The following ARHGAP15 variants were observed in gnomAD, a reference collection of about 807,000 sequenced individuals.
ARHGAP15 encodes the protein rho GTPase-activating protein 15.
Under a neutral mutation model 63.7 loss-of-function variants are expected in ARHGAP15, and 51 were observed. That is an observed-to-expected ratio of 0.80 (90% confidence interval 0.64 to 1.01). The LOEUF (loss-of-function observed/expected upper bound fraction) is 1.01, where lower values mean the gene tolerates loss of function less well. Ranked by LOEUF, ARHGAP15 falls within the 50% of genes least tolerant of loss-of-function variation. The probability of loss-of-function intolerance (pLI) is 0.00; values close to 1 mark genes in which losing one functional copy is unlikely to be tolerated. For missense variants in ARHGAP15, 560 were observed against 564.6 expected (o/e 0.99, Z 0.08); for synonymous variants, 191 against 193.8 (o/e 0.99, Z 0.12).
At chr2:143,686,083 C>T (rs767562845) in intron 12 of ARHGAP15, among the ~76,000 whole-genome samples, 3 of 152,028 alleles carry the variant, frequency 2.0e-5, no homozygotes, top group Non-Finnish European at 4.4e-5. Flanking sequence ...ATTTTATTCT[C>T]TTTACAAATT....
intron 13 of ARHGAP15, among the ~76,000 whole-genome samples, chr2:143,710,882 T>G (rs987032592): frequency 6.6e-6 from 1 of 152,206 alleles, no homozygotes; most frequent in Admixed American, 6.5e-5. Context: ...TGTTCAGGTG[T>G]TAATTAAGTC....
intron 6 of ARHGAP15, among the ~76,000 whole-genome samples, chr2:143,348,136 G>T (rs993216608): frequency 5.9e-5 from 9 of 151,982 alleles, no homozygotes; most frequent in Non-Finnish European, 1.3e-4. Context: ...GGGCACTAAG[G>T]TCATATGTCA....
chr2:143,415,468 T>G (rs900461123), intron 6 of ARHGAP15, among the ~76,000 whole-genome samples: 9 of 152,018 alleles, frequency 5.9e-5, no homozygotes, highest in Admixed American at 3.9e-4. Flanking sequence ...CTAAAAAAAA[T>G]TTAAAGGCAA....
intron 6 of ARHGAP15, among the ~76,000 whole-genome samples, chr2:143,382,373 C>A (rs1687096512): frequency 6.6e-6 from 1 of 152,148 alleles, no homozygotes; most frequent in African/African-American, 2.4e-5. Context: ...TGGACAGCTG[C>A]CAATCTTTGA....
intron 9 of ARHGAP15, among the ~76,000 whole-genome samples, chr2:143,500,828 T>C (rs900516301): frequency 6.6e-6 from 1 of 152,204 alleles, no homozygotes. Flanking sequence ...CCTTTAGATA[T>C]GTAGAGCAAA....
intron 11 of ARHGAP15, among the ~76,000 whole-genome samples, chr2:143,616,023 T>C (rs1246559209): frequency 1.3e-5 from 2 of 152,190 alleles, no homozygotes; most frequent in African/African-American, 4.8e-5. Flanking sequence ...CAATTTTTTT[T>C]TATGATCCTC....
At chr2:143,391,173 C>T (rs945593820) in intron 6 of ARHGAP15, among the ~76,000 whole-genome samples, 1 of 152,154 alleles carries the variant, frequency 6.6e-6, no homozygotes, top group African/African-American at 2.4e-5. Context: ...ATTACAGGTC[C>T]AGGCCTTTTT....
At chr2:143,485,593 C>T (rs569575146) in intron 8 of ARHGAP15, among the ~76,000 whole-genome samples, 45 of 152,178 alleles carry the variant, frequency 3.0e-4, no homozygotes, top group African/African-American at 1.0e-3. Flanking sequence ...TGATCATCAA[C>T]AGGAAGTAAT....
At chr2:143,716,786 A>G (rs995353865) in intron 13 of ARHGAP15, among the ~76,000 whole-genome samples, 1 of 152,272 alleles carries the variant, frequency 6.6e-6, no homozygotes, top group Non-Finnish European at 1.5e-5. Context: ...AAAGAGTGAG[A>G]AAGCTGAGCC....
chr2:143,452,916 G>A (rs974899728), intron 8 of ARHGAP15, among the ~76,000 whole-genome samples: 1 of 151,772 alleles, frequency 6.6e-6, no homozygotes, highest in African/African-American at 2.4e-5. Context: ...TGGCATAAAG[G>A]AAATTATTTA....
intron 11 of ARHGAP15, among the ~76,000 whole-genome samples, chr2:143,591,510 T>C (rs1160478004): frequency 1.3e-5 from 2 of 152,118 alleles, no homozygotes; most frequent in African/African-American, 4.8e-5. Flanking sequence ...TAATACTTCC[T>C]AATTTATAAA....
intron 13 of ARHGAP15, among the ~76,000 whole-genome samples, chr2:143,763,738 G>GTA (rs1553538169): frequency 2.8e-5 from 4 of 143,584 alleles, no homozygotes; most frequent in African/African-American, 8.2e-5. Flanking sequence ...ATATGTATAT[G>GTA]TATGTATATG....
intron 13 of ARHGAP15, among the ~76,000 whole-genome samples, chr2:143,722,789 G>A (rs998792928): frequency 1.3e-5 from 2 of 152,192 alleles, no homozygotes; most frequent in Non-Finnish European, 2.9e-5. Flanking sequence ...ATATAGGTGT[G>A]AGCAGCCTGT....
At chr2:143,201,295 A>AT (rs1292303292) in intron 2 of ARHGAP15, among the ~76,000 whole-genome samples, 1 of 150,280 alleles carries the variant, frequency 6.7e-6, no homozygotes, top group Admixed American at 6.6e-5. Context: ...TTAAAAAAAA[A>AT]TTTTTTTTGT....
At chr2:143,370,430 A>G (rs1218263561) in intron 6 of ARHGAP15, among the ~76,000 whole-genome samples, 1 of 152,174 alleles carries the variant, frequency 6.6e-6, no homozygotes, top group Non-Finnish European at 1.5e-5. Flanking sequence ...GCGCACCAGC[A>G]TGGCACATGT....
chr2:143,563,738 A>G (rs1696115889), intron 11 of ARHGAP15, among the ~76,000 whole-genome samples: 1 of 152,204 alleles, frequency 6.6e-6, no homozygotes, highest in East Asian at 1.9e-4. Context: ...AATCATTGCC[A>G]TAACCATCAA....
intron 4 of ARHGAP15, among the ~76,000 whole-genome samples, chr2:143,221,917 TTTTG>T (rs1471414699): frequency 1.3e-5 from 2 of 152,162 alleles, no homozygotes; most frequent in African/African-American, 4.8e-5. Context: ...TCGGTTGGGT[TTTTG>T]TTTGTTTGTT....
At chr2:143,167,338 C>G (rs377587915) in intron 2 of ARHGAP15, among the ~76,000 whole-genome samples, 1 of 152,084 alleles carries the variant, frequency 6.6e-6, no homozygotes, top group Admixed American at 6.6e-5. Context: ...ATTTTACTAA[C>G]GTGCACCCCA....
chr2:143,207,346 G>A (rs758906823), intron 3 of ARHGAP15, among the ~76,000 whole-genome samples: 3 of 151,996 alleles, frequency 2.0e-5, no homozygotes, highest in South Asian at 2.1e-4. Context: ...AAGTAACATC[G>A]AGAAGTCCTG....
Sources: allele counts gnomAD v4.1 joint callset (sites outside exome capture counted in the v4.1 genomes callset), GRCh38; gene constraint gnomAD v4.1.1; transcripts MANE v1.5; gene names NCBI Gene and HGNC (gene_info 2026-07-23, HGNC 2026-07-21).